The following GLIS3 variants were observed in gnomAD, a reference collection of about 807,000 sequenced individuals.
The protein encoded by GLIS3 is zinc finger protein GLIS3.
Under a neutral mutation model 78.6 loss-of-function variants are expected in GLIS3, and 53 were observed. The ratio of observed to expected loss-of-function variants is 0.67; its 90% CI spans 0.54 to 0.85. The LOEUF (loss-of-function observed/expected upper bound fraction) is 0.85. Ranked by LOEUF, GLIS3 falls within the 40% of genes least tolerant of loss-of-function variation. The pLI, the probability that GLIS3 is intolerant of heterozygous loss-of-function variation, is 0.00. For missense variants in GLIS3, 1,703 were observed against 1,231.1 expected, an observed-to-expected ratio of 1.38 and a Z score of -5.74; for synonymous variants, 684 against 509.9, an observed-to-expected ratio of 1.34 and a Z score of -4.60.
chr9:4,088,712 A>G (rs904357783), intron 4 of GLIS3, among the ~76,000 whole-genome samples: 1 of 152,228 alleles, frequency 6.6e-6, no homozygotes, highest in Non-Finnish European at 1.5e-5. Context: ...TCCTCAAGGA[A>G]CCTACAGTTT....
intron 4 of GLIS3, among the ~76,000 whole-genome samples, chr9:4,039,873 G>C (rs1040618512): frequency 1.3e-5 from 2 of 152,192 alleles, no homozygotes; most frequent in South Asian, 2.1e-4. Flanking sequence ...TATCATTTTA[G>C]AATTTAAGTG....
chr9:4,249,795 C>T (rs1378844931), intron 2 of GLIS3, among the ~76,000 whole-genome samples: 1 of 152,180 alleles, frequency 6.6e-6, no homozygotes, highest in Non-Finnish European at 1.5e-5. Context: ...TACATTTCAT[C>T]GATACCTAGC....
At chr9:4,451,450 G>C in the GLIS3 span, among the ~76,000 whole-genome samples, 1 of 151,964 alleles carries the variant, frequency 6.6e-6, no homozygotes, top group African/African-American at 2.4e-5. Context: ...CAAGACAGAA[G>C]GTTAACAAGG....
At chr9:4,389,000 G>A in the GLIS3 span, among the ~76,000 whole-genome samples, 1 of 152,128 alleles carries the variant, frequency 6.6e-6, no homozygotes, top group African/African-American at 2.4e-5. Flanking sequence ...CTGATTTTAA[G>A]GGGATTCTAT....
At chr9:3,989,355 T>C (rs1368505209) in intron 4 of GLIS3, among the ~76,000 whole-genome samples, 1 of 152,186 alleles carries the variant, frequency 6.6e-6, no homozygotes, top group African/African-American at 2.4e-5. Flanking sequence ...AAACTAATCA[T>C]AAAATTACCA....
intron 3 of GLIS3, among the ~76,000 whole-genome samples, chr9:4,123,103 T>G (rs554019994): frequency 6.6e-6 from 1 of 151,716 alleles, no homozygotes; most frequent in Non-Finnish European, 1.5e-5. Flanking sequence ...CCAAAGGAGG[T>G]CAAAAGAAAA....
chr9:4,410,196 C>G, the GLIS3 span, among the ~76,000 whole-genome samples: 12 of 150,512 alleles, frequency 8.0e-5, no homozygotes, highest in Non-Finnish European at 1.5e-4. Context: ...AGGCTGGTCT[C>G]AAACTGCTGG....
At chr9:3,945,683 A>G (rs115435367) in intron 4 of GLIS3, among the ~76,000 whole-genome samples, 2,690 of 152,362 alleles carry the variant, frequency 0.018, 84 homozygotes, top group African/African-American at 0.062. Flanking sequence ...TTGTATTAAA[A>G]TAAAAAAGTC....
chr9:4,452,131 G>C, the GLIS3 span, among the ~76,000 whole-genome samples: 2 of 151,990 alleles, frequency 1.3e-5, no homozygotes, highest in African/African-American at 4.8e-5. Flanking sequence ...ACCCCTTCAT[G>C]CTAAAAACTC....
chr9:3,870,458 G>A (rs555326491), intron 8 of GLIS3, among the ~76,000 whole-genome samples: 174 of 152,192 alleles, frequency 1.1e-3, no homozygotes, highest in African/African-American at 3.8e-3. Context: ...TGTTAAAGAC[G>A]TACCTGAGAC....
intron 2 of GLIS3, among the ~76,000 whole-genome samples, chr9:4,216,487 AAAAAAG>A (rs1203845563): frequency 2.6e-5 from 4 of 151,798 alleles, no homozygotes; most frequent in South Asian, 2.1e-4. Flanking sequence ...CTCAAAAAAA[AAAAAAG>A]AAAAGAAAAG....
At chr9:4,460,416 G>T in the GLIS3 span, among the ~76,000 whole-genome samples, 1 of 152,126 alleles carries the variant, frequency 6.6e-6, no homozygotes, top group Non-Finnish European at 1.5e-5. Context: ...AGCATAATGG[G>T]TTACCATTAG....
intron 2 of GLIS3, among the ~76,000 whole-genome samples, chr9:4,152,335 A>G (rs1834747816): frequency 6.6e-6 from 1 of 152,190 alleles, no homozygotes; most frequent in Non-Finnish European, 1.5e-5. Context: ...AATGGAAGAG[A>G]AAAATCCCTA....
chr9:4,362,178 C>T, the GLIS3 span, among the ~76,000 whole-genome samples: 3 of 152,234 alleles, frequency 2.0e-5, no homozygotes, highest in African/African-American at 7.2e-5. Context: ...TCAAATTAGT[C>T]TCTTTTCCCT....
chr9:4,002,971 A>G (rs1821234984), intron 4 of GLIS3, among the ~76,000 whole-genome samples: 3 of 152,226 alleles, frequency 2.0e-5, no homozygotes, highest in African/African-American at 7.2e-5. Flanking sequence ...CCATAGTTGC[A>G]TACTTCTGGA....
Position 4,340,039 on chromosome 9 carries a change from C to T in GLIS3, n.264+7042G>A, listed in dbSNP as rs1038946151. On this transcript the variant is annotated intron_variant and non_coding_transcript_variant, in intron 2 of 4. Transcript: ENST00000471664. ...TCAACATTTAATACCAGCTGACAAGCGGCTTTGCTTCTTGCTCATCAGTGA... is the reference window on the plus strand; with the variant it reads ...TCAACATTTAATACCAGCTGACAAGTGGCTTTGCTTCTTGCTCATCAGTGA... 5.3e-5 allele frequency among the ~76,000 whole-genome samples: 8 copies of T among 151,818 alleles called. No individual in the cohort carries two copies. The East Asian group carries it at 5.8e-4, about 11-fold the overall frequency.
the GLIS3 span, among the ~76,000 whole-genome samples, chr9:4,487,640 C>T: frequency 1.3e-5 from 2 of 151,930 alleles, no homozygotes; most frequent in Non-Finnish European, 2.9e-5. Context: ...TTTGTAAATA[C>T]TGCCCTATCT....
the GLIS3 span, among the ~76,000 whole-genome samples, chr9:4,396,512 C>G: frequency 6.6e-6 from 1 of 152,190 alleles, no homozygotes; most frequent in African/African-American, 2.4e-5. Flanking sequence ...CAATGTAACT[C>G]TGGACTGATT....
chr9:4,377,729 CTATTAA>C, the GLIS3 span, among the ~76,000 whole-genome samples: 2 of 152,114 alleles, frequency 1.3e-5, no homozygotes, highest in East Asian at 1.9e-4. Context: ...GTATAAGATG[CTATTAA>C]TATTATTTTT....
Sources: allele counts gnomAD v4.1 joint callset (sites outside exome capture counted in the v4.1 genomes callset), GRCh38; gene constraint gnomAD v4.1.1; transcripts MANE v1.5; gene names NCBI Gene and HGNC (gene_info 2026-07-23, HGNC 2026-07-21).